KCNV1: variants seen among roughly 807,000 people sequenced by gnomAD.
KCNV1 encodes the protein potassium voltage-gated channel subfamily V member 1.
In KCNV1, 2 loss-of-function variants were observed where a neutral mutation model predicts 36.4. The ratio of observed to expected loss-of-function variants is 0.05; its 90% CI spans 0.02 to 0.17. The LOEUF is 0.17. Among genes scored for constraint, KCNV1 ranks in the 10% least tolerant of loss-of-function variants. The probability of loss-of-function intolerance (pLI) is 1.00; values close to 1 mark genes in which losing one functional copy is unlikely to be tolerated. For synonymous variants in KCNV1, 280 were observed against 261.1 expected, an observed-to-expected ratio of 1.07 and a Z score of -0.70; for missense variants, 321 against 643.6, an observed-to-expected ratio of 0.50 and a Z score of 5.42.
Position 109,974,122 on chromosome 8 carries a change from C to A in KCNV1, c.267G>T (p.Glu89Asp). ...CCACGGGGTTGGCATCGTCGCAAAG[C>A]TCCAGAGGGCTGGGCACGGCGGCCA... ...GALAAVPSPL[E>D]LCDDANPVDN... is the part of the protein sequence containing the mutation. The change falls in exon 2 of 4, where the codon GAG becomes GAT. Residue 89 changes from glutamate to aspartate, a missense_variant. This residue lies in a region of KCNV1 where 60 missense variants were observed against 160.5 expected (regional missense o/e 0.37). Transcript: ENST00000524391. This position sits in a 1 kb window ranked among gnomAD's most constrained non-coding sequence, Gnocchi z 6.2. 1 of 1,612,212 alleles carries A rather than the reference C, an allele frequency of 6.2e-7. No homozygotes were observed. The highest frequency in any genetic ancestry group is 8.5e-7 in the Non-Finnish European group (1 of 1,179,470).
Position 109,974,243 on chromosome 8 carries a change from C to A in KCNV1, c.146G>T (p.Arg49Leu). The change falls in exon 2 of 4, where the codon CGC (arginine) becomes CTC (leucine). Residue 49 changes from arginine to leucine, a missense_variant. Physicochemically the swap from Arg to Leu is moderately radical, Grantham distance 102. Transcript: ENST00000524391. The surrounding 1 kb of genome is among the most constrained non-coding windows in gnomAD (Gnocchi z 6.2). ...CAGCGCCTGCTGCGAGAGCACGAAG[C>A]GGCTGCCGCCCACGTTGACCGTGAA... The part of the protein sequence containing the change: ...DCFTVNVGGS[R>L]FVLSQQALSC... 1 of 1,562,258 alleles carries A rather than the reference C, an allele frequency of 6.4e-7. No homozygotes were observed. Among genetic ancestry groups the A allele is most frequent in the Admixed American group, 1.9e-5 (1 of 52,890 alleles).
chr8:109,968,013 A>G lies in KCNV1; in HGVS notation c.*75T>C. 2 of 1,415,288 alleles carry G rather than the reference A, an allele frequency of 1.4e-6. No individual in the cohort carries two copies. The allele number at this position is 1,415,288 out of a possible 1,614,324, so 87.7% of individuals were successfully genotyped here. ...TACTCTGAAGAGACTCATCATCAGAATACAGAAATCCACATCACTGCTTTA... is the reference window on the plus strand; with the variant it reads ...TACTCTGAAGAGACTCATCATCAGAGTACAGAAATCCACATCACTGCTTTA... On this transcript the variant is annotated 3_prime_UTR_variant, in exon 4 of 4. Transcript: ENST00000524391. The surrounding 1 kb of genome is among the most constrained non-coding windows in gnomAD (Gnocchi z 5.3).
At chr8:109,969,460 C>G (rs1456316494) in intron 3 of KCNV1, among the ~76,000 whole-genome samples, 3 of 152,148 alleles carry the variant, frequency 2.0e-5, no homozygotes, top group Admixed American at 6.5e-5. Flanking sequence ...GCTGCTTTTC[C>G]ATTCCTAGAT....
rs1482712336 is a variant in KCNV1, at chr8:109,972,209, AT to A, written c.991+48del. On this transcript the variant is annotated intron_variant, in intron 3 of 3. Coordinates refer to ENST00000524391, the MANE Select transcript of KCNV1 (RefSeq NM_014379.4). This position sits in a 1 kb window ranked among gnomAD's most constrained non-coding sequence, Gnocchi z 5.2. ...TCCTTGTACTGTGGTCAAAAAACGA[AT>A]GCTTACATGCAATGGCAAATTAAAA... 8 of 1,520,970 alleles carry A rather than the reference AT, an allele frequency of 5.3e-6. No homozygotes were observed. The highest frequency in any genetic ancestry group is 7.1e-6 in the Non-Finnish European group (8 of 1,133,782). The allele number at this position is 1,520,970 out of a possible 1,614,324, so 94.2% of individuals were successfully genotyped here.
chr8:109,974,642 G>A lies in KCNV1; in HGVS notation c.-254C>T, dbSNP rs569240087. On this transcript the variant is annotated 5_prime_UTR_variant, in exon 2 of 4. Transcript: ENST00000524391. The surrounding 1 kb of genome is among the most constrained non-coding windows in gnomAD (Gnocchi z 6.2). ...AGACAGGGAGCAGAGGAAGGGTCGC[G>A]CTAAGAGAGAGGATCAGGTGAGGTC... 2 of 556,250 alleles carry A rather than the reference G, an allele frequency of 3.6e-6. No homozygotes were observed. The highest frequency in any genetic ancestry group is 6.4e-6 in the Non-Finnish European group (2 of 314,064). The allele number at this position is 556,250 out of a possible 1,614,324, so 34.5% of individuals were successfully genotyped here. A position where few individuals can be genotyped will look rare whatever the true frequency, so the allele number is the denominator to read the frequency against.
chr8:109,972,115 TC>T lies in KCNV1; in HGVS notation c.991+142del, dbSNP rs1417895785. ...AACTTCAATGTTTTGCCTCCCAATA[TC>T]TCCTTAGAGGTCATGATCAGGTAAA... On this transcript the variant is annotated intron_variant, in intron 3 of 3. Transcript: ENST00000524391. The surrounding 1 kb of genome is among the most constrained non-coding windows in gnomAD (Gnocchi z 5.2). 1.2e-6 allele frequency: 1 copy of T among 811,142 alleles called. No homozygotes were observed. Among genetic ancestry groups the T allele is most frequent in the African/African-American group, 1.7e-5 (1 of 57,668 alleles). The allele number at this position is 811,142 out of a possible 1,614,324, so 50.2% of individuals were successfully genotyped here.
At chr8:109,971,824 G>T (rs1185882797) in intron 3 of KCNV1, among the ~76,000 whole-genome samples, 1 of 152,142 alleles carries the variant, frequency 6.6e-6, no homozygotes, top group African/African-American at 2.4e-5. Context: ...CTGCCAAGGA[G>T]CATATGTGGC....
At position 109,972,823 on chromosome 8, in the gene KCNV1, T is replaced by G; in HGVS notation, c.462-36A>C. The G allele has an allele frequency of 6.8e-7, 1 of 1,477,176 alleles. No individual in the cohort carries two copies. The highest frequency in any genetic ancestry group is 9.1e-7 in the Non-Finnish European group (1 of 1,098,692). 91.5% of individuals were successfully genotyped at this position (1,477,176 alleles called of 1,614,324 possible). A position where few individuals can be genotyped will look rare whatever the true frequency, so the allele number is the denominator to read the frequency against. On this transcript the variant is annotated intron_variant, in intron 2 of 3. Coordinates refer to ENST00000524391, the MANE Select transcript of KCNV1 (RefSeq NM_014379.4). This position sits in a 1 kb window ranked among gnomAD's most constrained non-coding sequence, Gnocchi z 5.2. ...AAACAATTTGGTGATTAGTCTAACT[T>G]TATTAAAATACAGAAGTATAAGATA...
rs1820030123 is a variant in KCNV1, at chr8:109,972,970, T to A, written c.462-183A>T. Among the ~76,000 whole-genome samples, 1 of 146,026 alleles carries A rather than the reference T, an allele frequency of 6.8e-6. No individual in the cohort carries two copies. The highest frequency in any genetic ancestry group is 2.0e-4 in the East Asian group (1 of 4,920). ...CAGAATTTCTCCCTTAGAATTATGA[T>A]TATTTTTCCTTTTTTTTTTTTTTTT... On this transcript the variant is annotated intron_variant, in intron 2 of 3. Transcript: ENST00000524391. The surrounding 1 kb of genome is among the most constrained non-coding windows in gnomAD (Gnocchi z 5.2).
chr8:109,966,071 T>C lies in KCNV1; in HGVS notation c.*2017A>G, dbSNP rs1344451573. On this transcript the variant is annotated 3_prime_UTR_variant, in exon 4 of 4. Coordinates refer to ENST00000524391, the MANE Select transcript of KCNV1 (RefSeq NM_014379.4). ...CTAGTCCCCAGAACACCAAAGATCC[T>C]TAATAAATATTTGTTGAGTTAATAA... 4 of 152,198 alleles carry C rather than the reference T, an allele frequency of 2.6e-5. No homozygotes were observed. The highest frequency in any genetic ancestry group is 9.6e-5 in the African/African-American group (4 of 41,454). The allele number at this position is 152,198 out of a possible 1,614,324, so 9.4% of individuals were successfully genotyped here.
chr8:109,964,146 A>G lies in KCNV1; in HGVS notation c.*3942T>C, dbSNP rs1415068648. ...CAGCATCTATAAGAAACTTAAACAA[A>G]TTTACAAGAAAAAAAAATCCCATTA... On this transcript the variant is annotated 3_prime_UTR_variant, in exon 4 of 4. Transcript: ENST00000524391. The G allele has an allele frequency of 6.6e-6, 1 of 151,972 alleles. No individual in the cohort carries two copies. Among genetic ancestry groups the G allele is most frequent in the Non-Finnish European group, 1.5e-5 (1 of 68,012 alleles). 9.4% of individuals were successfully genotyped at this position (151,972 alleles called of 1,614,324 possible).
Position 109,972,152 on chromosome 8 carries a change from T to C in KCNV1, c.991+106A>G. 1 of 1,160,554 alleles carries C rather than the reference T, an allele frequency of 8.6e-7. No individual in the cohort carries two copies. The highest frequency in any genetic ancestry group is 1.2e-6 in the Non-Finnish European group (1 of 833,252). 71.9% of individuals were successfully genotyped at this position (1,160,554 alleles called of 1,614,324 possible). A position where few individuals can be genotyped will look rare whatever the true frequency, so the allele number is the denominator to read the frequency against. Reference sequence around the variant, plus strand: ...TCATGATCAGGTAAAGTATGGGAGTTGGTAATTTTGAATATCAGTTCAGCG... The same window carrying C: ...TCATGATCAGGTAAAGTATGGGAGTCGGTAATTTTGAATATCAGTTCAGCG... On this transcript the variant is annotated intron_variant, in intron 3 of 3. Coordinates refer to ENST00000524391, the MANE Select transcript of KCNV1 (RefSeq NM_014379.4). This position sits in a 1 kb window ranked among gnomAD's most constrained non-coding sequence, Gnocchi z 5.2.
At chr8:109,970,475 A>T (rs1819996646) in intron 3 of KCNV1, among the ~76,000 whole-genome samples, 1 of 152,152 alleles carries the variant, frequency 6.6e-6, no homozygotes, top group South Asian at 2.1e-4. Flanking sequence ...ATGCCATTAT[A>T]CAGACGAGGA....
chr8:109,967,750 A>G lies in KCNV1; in HGVS notation c.*338T>C, dbSNP rs969034722. On this transcript the variant is annotated 3_prime_UTR_variant, in exon 4 of 4. Transcript: ENST00000524391. The stretch of plus-strand genomic sequence containing the variant: ...TCCATTTTTAAAAAATTAGTGGTGC[A>G]AAAAACTTCTAATGTTAGTGATACA... The G allele has an allele frequency of 1.6e-5, 3 of 187,010 alleles. No homozygotes were observed. In the Admixed American group the frequency reaches 1.6e-4, roughly 10 times the overall value. The allele number at this position is 187,010 out of a possible 1,614,324, so 11.6% of individuals were successfully genotyped here.
chr8:109,972,663 G>A lies in KCNV1; in HGVS notation c.586C>T (p.Leu196Phe), dbSNP rs763576318. The change falls in exon 3 of 4, where the codon CTC becomes TTC. Residue 196 changes from leucine (L) to phenylalanine (F), a missense_variant. Coordinates refer to ENST00000524391, the MANE Select transcript of KCNV1 (RefSeq NM_014379.4). This position sits in a 1 kb window ranked among gnomAD's most constrained non-coding sequence, Gnocchi z 5.2. Reference protein sequence around the residue: ...QGPCPTVRQKLWNILEKPGSS... With the variant: ...QGPCPTVRQKFWNILEKPGSS... The stretch of plus-strand genomic sequence containing the variant: ...CCAGGTTTCTCCAGGATATTCCAGA[G>A]CTTCTGGCGAACAGTGGGACAAGGT... 3.7e-6 allele frequency: 6 copies of A among 1,614,214 alleles called. No individual in the cohort carries two copies. Among genetic ancestry groups the A allele is most frequent in the Non-Finnish European group, 4.2e-6 (5 of 1,180,034 alleles).
chr8:109,971,392 A>G (rs1245756316), intron 3 of KCNV1, among the ~76,000 whole-genome samples: 2 of 152,128 alleles, frequency 1.3e-5, no homozygotes, highest in Non-Finnish European at 2.9e-5. Flanking sequence ...GGAAACTCAT[A>G]TACTCCACAA....
At position 109,974,566 on chromosome 8, in the gene KCNV1, C is replaced by G. The variant is rs928016081; in HGVS notation, c.-178G>C. 2 of 594,788 alleles carry G rather than the reference C, an allele frequency of 3.4e-6. No homozygotes were observed. The highest frequency in any genetic ancestry group is 5.9e-6 in the Non-Finnish European group (2 of 337,306). 36.8% of individuals were successfully genotyped at this position (594,788 alleles called of 1,614,324 possible). A position where few individuals can be genotyped will look rare whatever the true frequency, so the allele number is the denominator to read the frequency against. On this transcript the variant is annotated 5_prime_UTR_variant, in exon 2 of 4. Transcript: ENST00000524391. The surrounding 1 kb of genome is among the most constrained non-coding windows in gnomAD (Gnocchi z 6.2). ...CCGCTGTGCGCCTTCCTCCTCCTGC[C>G]GCTAGGGAGCCGGGAGTGCGCGGAA...
chr8:109,974,583 T>C lies in KCNV1; in HGVS notation c.-195A>G, dbSNP rs1587138850. 2 of 590,038 alleles carry C rather than the reference T, an allele frequency of 3.4e-6. No individual in the cohort carries two copies. Among genetic ancestry groups the C allele is most frequent in the East Asian group, 2.8e-5 (1 of 35,380 alleles). The allele number at this position is 590,038 out of a possible 1,614,324, so 36.6% of individuals were successfully genotyped here. On this transcript the variant is annotated 5_prime_UTR_variant, in exon 2 of 4. Transcript: ENST00000524391. The surrounding 1 kb of genome is among the most constrained non-coding windows in gnomAD (Gnocchi z 6.2). ...CCTCCTGCCGCTAGGGAGCCGGGAG[T>C]GCGCGGAAGCAGCGCACAAGTGGCA...
intron 3 of KCNV1, among the ~76,000 whole-genome samples, chr8:109,969,569 G>A (rs562266378): frequency 6.6e-5 from 10 of 152,112 alleles, no homozygotes; most frequent in East Asian, 1.9e-4. Flanking sequence ...ATTATGGGCC[G>A]GGCACGGTGG....
Sources: allele counts gnomAD v4.1 joint callset (sites outside exome capture counted in the v4.1 genomes callset), GRCh38; gene constraint gnomAD v4.1.1; regional missense constraint gnomAD v4.1.1; non-coding constraint Gnocchi (gnomAD v3.1); transcripts MANE v1.5; gene names NCBI Gene and HGNC (gene_info 2026-07-23, HGNC 2026-07-21).